FMN2: variants seen among roughly 807,000 people sequenced by gnomAD.
FMN2 encodes formin-2.
A neutral mutation model predicts 142.3 loss-of-function variants in FMN2; 51 were observed. That is an observed-to-expected ratio of 0.36 (90% confidence interval 0.29 to 0.45). The LOEUF is 0.45. Ranked by LOEUF, FMN2 falls within the 20% of genes least tolerant of loss-of-function variation. The pLI, the probability that FMN2 is intolerant of heterozygous loss-of-function variation, is 1.00. For missense variants in FMN2, 1,936 were observed against 2,122.8 expected, an observed-to-expected ratio of 0.91 and a Z score of 1.73; for synonymous variants, 882 against 869.8, an observed-to-expected ratio of 1.01 and a Z score of -0.25.
At chr1:240,418,054 C>T (rs530865345) in intron 15 of FMN2, among the ~76,000 whole-genome samples, 175 of 152,008 alleles carry the variant, frequency 1.2e-3, no homozygotes, top group African/African-American at 4.1e-3. Flanking sequence ...CATATATTGT[C>T]CATCTATTTA....
At chr1:240,402,323 G>C (rs1674019390) in intron 15 of FMN2, among the ~76,000 whole-genome samples, 2 of 152,120 alleles carry the variant, frequency 1.3e-5, no homozygotes, top group Admixed American at 6.6e-5. Flanking sequence ...TGCTAATTCT[G>C]TTTATTCATG....
intron 14 of FMN2, among the ~76,000 whole-genome samples, chr1:240,364,440 GACAAA>G (rs1672594629): frequency 6.6e-6 from 1 of 152,090 alleles, no homozygotes; most frequent in African/African-American, 2.4e-5. Context: ...GAACCAGACG[GACAAA>G]ACTCTTTCCT....
intron 3 of FMN2, among the ~76,000 whole-genome samples, chr1:240,186,810 G>A (rs1199346243): frequency 2.0e-5 from 3 of 152,152 alleles, no homozygotes; most frequent in Non-Finnish European, 2.9e-5. Context: ...GGCCTTGTGG[G>A]TCCCTGTGGA....
intron 16 of FMN2, among the ~76,000 whole-genome samples, chr1:240,442,480 A>G (rs565473858): frequency 6.6e-6 from 1 of 152,334 alleles, no homozygotes; most frequent in South Asian, 2.1e-4. Context: ...AAAAAAGTAA[A>G]CAATAATCTG....
At chr1:240,307,963 C>G (rs1355269590) in intron 8 of FMN2, among the ~76,000 whole-genome samples, 1 of 151,462 alleles carries the variant, frequency 6.6e-6, no homozygotes, top group African/African-American at 2.4e-5. Flanking sequence ...CTTGGTATTC[C>G]TAGGTATTTA....
chr1:240,142,438 G>C (rs76171529), intron 2 of FMN2, among the ~76,000 whole-genome samples: 1 of 150,802 alleles, frequency 6.6e-6, no homozygotes, highest in South Asian at 2.1e-4. Context: ...CTGAGCCATG[G>C]TCCCAGGGTC....
intron 2 of FMN2, among the ~76,000 whole-genome samples, chr1:240,160,875 T>A: frequency 6.6e-6 from 1 of 152,178 alleles, no homozygotes; most frequent in East Asian, 1.9e-4. Flanking sequence ...GAAATAAAAT[T>A]TACATAATTA....
chr1:240,472,425 A>G lies in FMN2; in HGVS notation c.5114A>G (p.Lys1705Arg). The change falls in exon 17 of 18, where the codon AAA (lysine) becomes AGA (arginine). Residue 1705 changes from lysine to arginine, a missense_variant. Physicochemically the swap from Lys to Arg is conservative, Grantham distance 26. This residue lies in a region of FMN2 where 322 missense variants were observed against 401.6 expected (regional missense o/e 0.80). Transcript: ENST00000319653. Reference sequence around the variant, plus strand: ...CAGAAGAAAGGAAAATCACTTTATAAAATAAAACCAAGACATGACTCTGGA... The same window carrying G: ...CAGAAGAAAGGAAAATCACTTTATAGAATAAAACCAAGACATGACTCTGGA... ...CRQKKGKSLY[K>R]IKPRHDSGIK... 10 of 1,611,580 alleles carry G rather than the reference A, an allele frequency of 6.2e-6. No homozygotes were observed. The highest frequency in any genetic ancestry group is 8.5e-6 in the Non-Finnish European group (10 of 1,178,998).
At chr1:240,412,838 T>G (rs1223775871) in intron 15 of FMN2, among the ~76,000 whole-genome samples, 2 of 151,938 alleles carry the variant, frequency 1.3e-5, no homozygotes, top group African/African-American at 2.4e-5. Flanking sequence ...TAAGAAACAG[T>G]AGGCCTGGTG....
intron 1 of FMN2, among the ~76,000 whole-genome samples, chr1:240,121,385 T>TTA (rs1356965782): frequency 1.3e-5 from 2 of 149,646 alleles, no homozygotes; most frequent in Admixed American, 6.7e-5. Flanking sequence ...ATTTTTATTT[T>TTA]TTTTTTTTTG....
intron 11 of FMN2, among the ~76,000 whole-genome samples, chr1:240,333,085 G>A (rs916498870): frequency 7.2e-5 from 11 of 152,064 alleles, no homozygotes; most frequent in African/African-American, 2.4e-4. Context: ...TTGTATCATA[G>A]GGTTTGTTTT....
At chr1:240,193,201 G>A (rs1409374029) in intron 4 of FMN2, among the ~76,000 whole-genome samples, 1 of 152,144 alleles carries the variant, frequency 6.6e-6, no homozygotes, top group Non-Finnish European at 1.5e-5. Context: ...AATGGGGGTC[G>A]TGGAGCTGAT....
chr1:240,438,724 C>A (rs944599398), intron 16 of FMN2, among the ~76,000 whole-genome samples: 2 of 152,244 alleles, frequency 1.3e-5, no homozygotes, highest in South Asian at 2.1e-4. Context: ...TAAAATAAAT[C>A]TTTTCAGGAA....
chr1:240,129,825 C>T (rs1662662504), intron 2 of FMN2, among the ~76,000 whole-genome samples: 1 of 152,108 alleles, frequency 6.6e-6, no homozygotes, highest in South Asian at 2.1e-4. Context: ...TTGCTCTTGC[C>T]TTCTGGCGGT....
At chr1:240,454,996 A>G (rs1676191315) in intron 16 of FMN2, among the ~76,000 whole-genome samples, 1 of 152,070 alleles carries the variant, frequency 6.6e-6, no homozygotes, top group African/African-American at 2.4e-5. Context: ...TTATGAGGAA[A>G]GCTTGGCTCC....
intron 8 of FMN2, among the ~76,000 whole-genome samples, chr1:240,315,215 A>T (rs1447844887): frequency 1.3e-5 from 2 of 152,212 alleles, no homozygotes; most frequent in Non-Finnish European, 2.9e-5. Context: ...GTGTGGTCAT[A>T]TAAGGTAGAG....
At chr1:240,129,515 T>C (rs1662649467) in intron 2 of FMN2, among the ~76,000 whole-genome samples, 1 of 149,866 alleles carries the variant, frequency 6.7e-6, no homozygotes, top group African/African-American at 2.5e-5. Flanking sequence ...CTTTTTTTTT[T>C]TTTTTTTTTG....
At chr1:240,333,187 G>T (rs1018513290) in intron 11 of FMN2, among the ~76,000 whole-genome samples, 1 of 151,966 alleles carries the variant, frequency 6.6e-6, no homozygotes, top group African/African-American at 2.4e-5. Flanking sequence ...AAATTAATGC[G>T]CCTAAATAAA....
chr1:240,225,944 G>A (rs1262377865), intron 6 of FMN2, among the ~76,000 whole-genome samples: 1 of 152,082 alleles, frequency 6.6e-6, no homozygotes, highest in African/African-American at 2.4e-5. Flanking sequence ...TCGATTAGTG[G>A]TGACAGAAGA....
Sources: gnomAD v4.1 joint callset for allele counts (sites outside exome capture counted in the v4.1 genomes callset) on GRCh38, gnomAD v4.1.1 for gene constraint, gnomAD v4.1.1 regional missense constraint, MANE v1.5 for transcripts, NCBI Gene and HGNC (gene_info 2026-07-23, HGNC 2026-07-21) for gene names.